MRPS27: variants seen among roughly 807,000 people sequenced by gnomAD.
MRPS27 encodes the protein small ribosomal subunit protein mS27.
In MRPS27, 43 loss-of-function variants were observed where a neutral mutation model predicts 48.9. The observed-to-expected ratio is 0.88, with a 90% CI of 0.69 to 1.13. MRPS27 has a LOEUF of 1.13. Ranked by LOEUF, MRPS27 falls within the 50% of genes most tolerant of loss-of-function variation. MRPS27 has a pLI of 0.00. For missense variants in MRPS27, 467 were observed against 476.3 expected (o/e 0.98, Z 0.18); for synonymous variants, 188 against 171.9 (o/e 1.09, Z -0.73).
intron 7 of MRPS27, chr5:72,228,602 G>T: frequency 2.7e-6 from 1 of 373,158 alleles, no homozygotes; most frequent in Non-Finnish European, 4.7e-6. Context: ...GTGAAATTAT[G>T]AGTAATTTTG....
At chr5:72,247,052 G>A (rs892361219) in intron 4 of MRPS27, among the ~76,000 whole-genome samples, 6 of 151,998 alleles carry the variant, frequency 3.9e-5, no homozygotes, top group Non-Finnish European at 8.8e-5. Flanking sequence ...GATCCTTCAG[G>A]GTTTCAGTTC....
chr5:72,273,271 C>CGAGA (rs944869357), intron 4 of MRPS27, among the ~76,000 whole-genome samples: 4 of 152,048 alleles, frequency 2.6e-5, no homozygotes, highest in African/African-American at 9.7e-5. Flanking sequence ...CGGGATTTTT[C>CGAGA]GAGAAAGTGA....
At chr5:72,263,918 A>G (rs1749044151) in intron 4 of MRPS27, among the ~76,000 whole-genome samples, 1 of 152,210 alleles carries the variant, frequency 6.6e-6, no homozygotes, top group South Asian at 2.1e-4. Flanking sequence ...AGAACTAAAA[A>G]TAGGTTCTCA....
intron 7 of MRPS27, 42 bp from the exon 8 acceptor site, chr5:72,228,410 A>G: frequency 7.4e-7 from 1 of 1,347,708 alleles, no homozygotes; most frequent in South Asian, 1.3e-5. Flanking sequence ...CTAAGCAATG[A>G]GTACTTTATA....
chr5:72,299,415 C>A lies in MRPS27; in HGVS notation c.152-1713G>T, dbSNP rs144796873. Reference sequence around the variant, plus strand: ...AGCAAGTGTATTTCCTGATAGGTTCCCCCCAAAAAAAGAAATTAGATGATG... The same window carrying A: ...AGCAAGTGTATTTCCTGATAGGTTCACCCCAAAAAAAGAAATTAGATGATG... On this transcript the variant is annotated intron_variant, in intron 2 of 10. Transcript: ENST00000261413. Among the ~76,000 whole-genome samples, 51 of 152,052 alleles carry A rather than the reference C, an allele frequency of 3.4e-4. 1 individual carries two copies. In the East Asian group the frequency reaches 6.4e-3, roughly 19 times the overall value.
chr5:72,231,108 T>G (rs1748054585), intron 7 of MRPS27, among the ~76,000 whole-genome samples: 1 of 152,122 alleles, frequency 6.6e-6, no homozygotes, highest in African/African-American at 2.4e-5. Context: ...TTTCAAGGGC[T>G]TCTCACTGTT....
intron 5 of MRPS27, among the ~76,000 whole-genome samples, chr5:72,237,355 A>G (rs188266257): frequency 3.7e-3 from 565 of 152,280 alleles, no homozygotes; most frequent in African/African-American, 0.013. Context: ...ACTGGAAATA[A>G]AACATTCTGC....
chr5:72,237,991 T>A (rs1264752105), intron 5 of MRPS27, 23 bp downstream of exon 5: 1 of 1,540,380 alleles, frequency 6.5e-7, no homozygotes, highest in Non-Finnish European at 9.0e-7. Context: ...GAAAACAGGC[T>A]GCAGATCCAC....
At chr5:72,320,065 C>T in intron 1 of MRPS27, 84 bp downstream of exon 1, 1 of 1,419,142 alleles carries the variant, frequency 7.0e-7, no homozygotes, top group African/African-American at 1.4e-5. Flanking sequence ...ATTCCAGAAA[C>T]GTTTCCTCTC....
chr5:72,317,814 G>C (rs780122324), intron 1 of MRPS27, among the ~76,000 whole-genome samples: 1 of 152,170 alleles, frequency 6.6e-6, no homozygotes, highest in Non-Finnish European at 1.5e-5. Context: ...CAGGGGGATG[G>C]TTCTAGAATA....
chr5:72,299,011 C>T (rs890177182), intron 2 of MRPS27, among the ~76,000 whole-genome samples: 17 of 151,978 alleles, frequency 1.1e-4, no homozygotes, highest in Admixed American at 5.9e-4. Flanking sequence ...AGTAAATTAA[C>T]GCAGGAACAG....
intron 4 of MRPS27, among the ~76,000 whole-genome samples, chr5:72,286,356 C>T (rs1449042577): frequency 6.6e-6 from 1 of 152,098 alleles, no homozygotes; most frequent in Non-Finnish European, 1.5e-5. Flanking sequence ...TTAAAAACTA[C>T]AGTCATCAAG....
rs151137643 is a variant in MRPS27 at position 72,274,182 on chromosome 5, C to T, written c.281+21349G>A. Among the ~76,000 whole-genome samples the T allele has an allele frequency of 5.9e-3, 904 of 152,146 alleles. 3 individuals carry two copies. The highest frequency in any genetic ancestry group is 0.019 in the African/African-American group (799 of 41,490). On this transcript the variant is annotated intron_variant, in intron 4 of 10. Transcript: ENST00000261413. ...CAGTCTGGTCAATACGGTGAAACCCCGTCTCTACTAAAAACACAAATATTA... is the reference window on the plus strand; with the variant it reads ...CAGTCTGGTCAATACGGTGAAACCCTGTCTCTACTAAAAACACAAATATTA...
chr5:72,251,638 T>C (rs983983895), intron 4 of MRPS27, among the ~76,000 whole-genome samples: 7 of 152,176 alleles, frequency 4.6e-5, no homozygotes, highest in African/African-American at 1.7e-4. Context: ...TAGCCTCTGG[T>C]TGAGGTAGAC....
At chr5:72,292,004 C>T (rs974622628) in intron 4 of MRPS27, among the ~76,000 whole-genome samples, 4 of 152,212 alleles carry the variant, frequency 2.6e-5, no homozygotes, top group African/African-American at 4.8e-5. Flanking sequence ...CTATACATAT[C>T]GTATAAAGTC....
chr5:72,277,372 C>T (rs954673793), intron 4 of MRPS27, among the ~76,000 whole-genome samples: 1 of 152,040 alleles, frequency 6.6e-6, no homozygotes, highest in Non-Finnish European at 1.5e-5. Flanking sequence ...AGTATATACC[C>T]AAAGGAATAT....
chr5:72,241,665 T>C (rs1233682249), intron 4 of MRPS27: 3 of 1,535,526 alleles, frequency 2.0e-6, no homozygotes, highest in East Asian at 2.4e-5. Context: ...ATTCTGTGGA[T>C]TGCTGGATGA....
At chr5:72,263,606 T>C (rs1749037849) in intron 4 of MRPS27, among the ~76,000 whole-genome samples, 2 of 151,098 alleles carry the variant, frequency 1.3e-5, no homozygotes, top group African/African-American at 2.4e-5. Context: ...TTAAGAGATA[T>C]TTCTCCAAAG....
At chr5:72,309,297 C>T (rs1750372675) in intron 2 of MRPS27, among the ~76,000 whole-genome samples, 1 of 151,734 alleles carries the variant, frequency 6.6e-6, no homozygotes, top group Non-Finnish European at 1.5e-5. Flanking sequence ...ACAGAGTCAG[C>T]TCTGTCGCCC....
Sources: allele counts gnomAD v4.1 joint callset (sites outside exome capture counted in the v4.1 genomes callset), GRCh38; gene constraint gnomAD v4.1.1; transcripts MANE v1.5; gene names NCBI Gene and HGNC (gene_info 2026-07-23, HGNC 2026-07-21).